The following KLF5 variants were observed in gnomAD, a reference collection of about 807,000 sequenced individuals.
The protein encoded by KLF5 is Krueppel-like factor 5.
KLF5 carries 9 observed loss-of-function variants against 36.9 expected under a neutral mutation model. The ratio of observed to expected loss-of-function variants is 0.24; its 90% confidence interval spans 0.15 to 0.43. The LOEUF (loss-of-function observed/expected upper bound fraction) is 0.43. KLF5 is among the 20% of genes least tolerant of loss of function. The probability of loss-of-function intolerance (pLI) is 1.00; values close to 1 mark genes in which losing one functional copy is unlikely to be tolerated. For synonymous variants in KLF5, 246 were observed against 241.7 expected (o/e 1.02, Z -0.17); for missense variants, 524 against 599.5 (o/e 0.87, Z 1.31).
chr13:73,075,038 A>G (rs1594399789), intron 3 of KLF5: 1 of 152,112 alleles, frequency 6.6e-6, no homozygotes, highest in South Asian at 2.1e-4. Flanking sequence ...GTACCAGACT[A>G]TTTTGCTTCA....
intron 3 of KLF5, among the ~76,000 whole-genome samples, chr13:73,066,208 C>G (rs576322303): frequency 6.6e-6 from 1 of 152,250 alleles, no homozygotes; most frequent in South Asian, 2.1e-4. Flanking sequence ...TTGTTTTCTC[C>G]TCATTTCTCA....
intron 3 of KLF5, among the ~76,000 whole-genome samples, chr13:73,070,058 G>A (rs748216006): frequency 2.6e-5 from 4 of 152,136 alleles, no homozygotes; most frequent in Non-Finnish European, 4.4e-5. Context: ...AAGTATCTCC[G>A]TAGCAGCATT....
chr13:73,065,539 T>C (rs2044672733), intron 3 of KLF5, among the ~76,000 whole-genome samples: 1 of 152,194 alleles, frequency 6.6e-6, no homozygotes, highest in African/African-American at 2.4e-5. Flanking sequence ...GGATCCTTCA[T>C]AGGCAGCCCA....
At chr13:73,061,817 G>A (rs1395920027) in intron 1 of KLF5, 44 bp from the exon 2 acceptor site, 1 of 1,571,854 alleles carries the variant, frequency 6.4e-7, no homozygotes, top group East Asian at 2.3e-5. Flanking sequence ...TTCCCGAGAT[G>A]GTGAATCAGG....
chr13:73,062,181 C>G lies in KLF5; in HGVS notation c.582C>G (p.Ser194Arg). The G allele has an allele frequency of 6.2e-7, 1 of 1,614,144 alleles. No individual in the cohort carries two copies. Among genetic ancestry groups the G allele is most frequent in the Non-Finnish European group, 8.5e-7 (1 of 1,180,014 alleles). ...QALPEFTSIFSSHQTAAPEVN... is the reference protein window; with the variant it reads ...QALPEFTSIFRSHQTAAPEVN... ...TCCCTGAGTTCACCAGTATATTCAG[C>G]TCACACCAGACCGCAGCTCCAGAGG... is the stretch of plus-strand genomic sequence containing the variant. Residue 194 changes from serine to arginine, a missense_variant, in exon 2 of 4, where the codon AGC becomes AGG. Physicochemically the swap from Ser to Arg is moderately radical, Grantham distance 110. Coordinates refer to ENST00000377687, the MANE Select transcript of KLF5 (RefSeq NM_001730.5).
Position 73,077,343 on chromosome 13 carries a change from C to T in KLF5, c.*1457C>T, listed in dbSNP as rs996249564. 1 of 152,556 alleles carries T rather than the reference C, an allele frequency of 6.6e-6. No individual in the cohort carries two copies. The highest frequency in any genetic ancestry group is 2.1e-4 in the South Asian group (1 of 4,838). The allele number at this position is 152,556 out of a possible 1,614,324, so 9.5% of individuals were successfully genotyped here. ...TGTAAGAGGCTTCAAAATGTTTATA[C>T]GTGGAAACACACCTACATGAAAAGC... On this transcript the variant is annotated 3_prime_UTR_variant, in exon 4 of 4. Coordinates refer to ENST00000377687, the MANE Select transcript of KLF5 (RefSeq NM_001730.5).
At chr13:73,070,897 A>G (rs956549197) in intron 3 of KLF5, among the ~76,000 whole-genome samples, 9 of 152,224 alleles carry the variant, frequency 5.9e-5, no homozygotes, top group African/African-American at 2.2e-4. Context: ...GGGCAGGGCA[A>G]AGCCAGGCAA....
chr13:73,069,795 T>C (rs2044709726), intron 3 of KLF5, among the ~76,000 whole-genome samples: 1 of 152,216 alleles, frequency 6.6e-6, no homozygotes, highest in Non-Finnish European at 1.5e-5. Context: ...GCAAATATTT[T>C]TTACTGGTTT....
In KLF5 at chr13:73,059,292, C is replaced by A; in HGVS notation, c.-36C>A. 1 of 1,333,390 alleles carries A rather than the reference C, an allele frequency of 7.5e-7. No individual in the cohort carries two copies. The highest frequency in any genetic ancestry group is 9.6e-7 in the Non-Finnish European group (1 of 1,042,872). 82.6% of individuals were successfully genotyped at this position (1,333,390 alleles called of 1,614,324 possible). ...CAGCGTGGGCGAGGTGGGAAGTGCG[C>A]CCGACCCGCGCCTGGAGCTGCGCCC... On this transcript the variant is annotated 5_prime_UTR_variant, in exon 1 of 4. Coordinates refer to ENST00000377687, the MANE Select transcript of KLF5 (RefSeq NM_001730.5).
In KLF5 at chr13:73,062,489, C is replaced by G; in HGVS notation, c.890C>G (p.Ala297Gly). 6.2e-7 allele frequency: 1 copy of G among 1,614,176 alleles called. No homozygotes were observed. Among genetic ancestry groups the G allele is most frequent in the Non-Finnish European group, 8.5e-7 (1 of 1,180,030 alleles). The change falls in exon 2 of 4, where the codon GCC becomes GGC. Residue 297 changes from alanine to glycine, a missense_variant. By Grantham distance (60) the Ala-to-Gly change is moderately conservative (BLOSUM62 0). This residue lies in a region of KLF5 where 454 missense variants were observed against 458.1 expected (regional missense o/e 0.99). Transcript: ENST00000377687. ...TMPSQFLPQQ[A>G]TYFPPSPPSS... The stretch of plus-strand genomic sequence containing the variant: ...CCAAGTCAGTTTCTTCCACAACAGG[C>G]CACTTACTTTCCCCCGTCACCACCA...
In KLF5 at chr13:73,075,980, C is replaced by CAAAA; in HGVS notation, c.*96_*97insAAAA. 3.7e-6 allele frequency: 3 copies of CAAAA among 801,614 alleles called. No individual in the cohort carries two copies. The African/African-American group carries it at 6.4e-5, about 17-fold the overall frequency. The allele number at this position is 801,614 out of a possible 1,614,324, so 49.7% of individuals were successfully genotyped here. A position where few individuals can be genotyped will look rare whatever the true frequency, so the allele number is the denominator to read the frequency against. On this transcript the variant is annotated 3_prime_UTR_variant, in exon 4 of 4. Coordinates refer to ENST00000377687, the MANE Select transcript of KLF5 (RefSeq NM_001730.5). ...TAAAAACAACAAAAACAAACAAAAG[C>CAAAA]AAGAAAACCACAACTAAAACTGGAA...
chr13:73,071,575 A>G (rs781293847), intron 3 of KLF5, among the ~76,000 whole-genome samples: 10 of 152,116 alleles, frequency 6.6e-5, no homozygotes, highest in Non-Finnish European at 1.3e-4. Flanking sequence ...TATCTAAATC[A>G]TTTTCCTATG....
Position 73,062,414 on chromosome 13 carries a change from A to G in KLF5, c.815A>G (p.Gln272Arg). Residue 272 changes from glutamine to arginine, a missense_variant, in exon 2 of 4, where the codon CAG becomes CGG. Coordinates refer to ENST00000377687, the MANE Select transcript of KLF5 (RefSeq NM_001730.5). ...AACACACACACCTCTGCTGTTCCGC[A>G]GACTGCAGTGAAACAATTCCAGGGC... is the stretch of plus-strand genomic sequence containing the variant. The part of the protein sequence containing the change: ...GLNTHTSAVP[Q>R]TAVKQFQGMP... 1 of 1,614,190 alleles carries G rather than the reference A, an allele frequency of 6.2e-7. No individual in the cohort carries two copies.
rs1206135592 is a variant in KLF5, at chr13:73,077,235, A to G, written c.*1349A>G. The G allele has an allele frequency of 6.6e-6, 1 of 152,658 alleles. No homozygotes were observed. Among genetic ancestry groups the G allele is most frequent in the African/African-American group, 2.4e-5 (1 of 41,464 alleles). The allele number at this position is 152,658 out of a possible 1,614,324, so 9.5% of individuals were successfully genotyped here. On this transcript the variant is annotated 3_prime_UTR_variant, in exon 4 of 4. Coordinates refer to ENST00000377687, the MANE Select transcript of KLF5 (RefSeq NM_001730.5). The stretch of plus-strand genomic sequence containing the variant: ...TAAGTTTTTTTAGAAGACAATTTTC[A>G]TAACTTGATAAATTATAGTTTTGTT...
intron 1 of KLF5, 126 bp from the exon 2 acceptor site, chr13:73,061,735 A>G: frequency 7.6e-6 from 6 of 786,356 alleles, no homozygotes; most frequent in Admixed American, 4.6e-5. Flanking sequence ...TTTATAAGCA[A>G]CACTGAGGAG....
intron 3 of KLF5, among the ~76,000 whole-genome samples, chr13:73,065,129 C>T (rs1460742156): frequency 6.6e-6 from 1 of 152,240 alleles, no homozygotes; most frequent in Middle Eastern, 3.4e-3. Flanking sequence ...GCTATGGAAA[C>T]CAAAGTATTC....
At chr13:73,068,364 A>C (rs999247062) in intron 3 of KLF5, among the ~76,000 whole-genome samples, 6 of 152,160 alleles carry the variant, frequency 3.9e-5, no homozygotes, top group Non-Finnish European at 8.8e-5. Context: ...TTTGCTGCTG[A>C]ATATATTGAC....
In KLF5 at chr13:73,061,879, A is replaced by C. The variant is rs1263466061; in HGVS notation, c.280A>C (p.Lys94Gln). 8.7e-6 allele frequency: 14 copies of C among 1,610,562 alleles called. No individual in the cohort carries two copies. Among genetic ancestry groups the C allele is most frequent in the Non-Finnish European group, 1.2e-5 (14 of 1,177,154 alleles). Residue 94 changes from lysine to glutamine, a missense_variant, in exon 2 of 4, where the codon AAG (lysine) becomes CAG (glutamine). Physicochemically the swap from Lys to Gln is moderately conservative, Grantham distance 53. Around this residue, in one of 4 missense-constraint regions of KLF5, gnomAD observed 454 missense variants for 458.1 expected, o/e 0.99. Coordinates refer to ENST00000377687, the MANE Select transcript of KLF5 (RefSeq NM_001730.5). ...TTTTTAGACAAGATGTGAAATGGAG[A>C]AGTATCTGACACCTCAGCTTCCTCC... ...DLVQTRCEMEKYLTPQLPPVP... is the reference protein window; with the variant it reads ...DLVQTRCEMEQYLTPQLPPVP...
At position 73,063,981 on chromosome 13, in the gene KLF5, A is replaced by G. The variant is rs1011082263; in HGVS notation, c.1195+98A>G. The G allele has an allele frequency of 9.3e-6, 5 of 536,046 alleles. No individual in the cohort carries two copies. In the East Asian group the frequency reaches 1.6e-4, roughly 18 times the overall value. 33.2% of individuals were successfully genotyped at this position (536,046 alleles called of 1,614,324 possible). A position where few individuals can be genotyped will look rare whatever the true frequency, so the allele number is the denominator to read the frequency against. On this transcript the variant is annotated intron_variant, in intron 3 of 3. Coordinates refer to ENST00000377687, the MANE Select transcript of KLF5 (RefSeq NM_001730.5). ...CACGTGTTTGATCTCTTCTCCTGTC[A>G]ACTTTGTTTTTTTTTTTTTTTTTAA... is the stretch of plus-strand genomic sequence containing the variant.
Sources: gnomAD v4.1 joint callset for allele counts (sites outside exome capture counted in the v4.1 genomes callset) on GRCh38, gnomAD v4.1.1 for gene constraint, gnomAD v4.1.1 regional missense constraint, MANE v1.5 for transcripts, NCBI Gene and HGNC (gene_info 2026-07-23, HGNC 2026-07-21) for gene names.